The following PARD3 variants were observed in gnomAD, a reference collection of about 807,000 sequenced individuals.
PARD3 encodes par-3 family cell polarity regulator, also known as partitioning defective 3 homolog.
PARD3 carries 75 observed loss-of-function variants against 155.4 expected under a neutral mutation model. That is an observed-to-expected ratio of 0.48 (90% confidence interval 0.40 to 0.58). The LOEUF (loss-of-function observed/expected upper bound fraction) is 0.58, where lower values mean the gene tolerates loss of function less well. PARD3 is among the 20% of genes least tolerant of loss of function. PARD3 has a pLI of 0.00. For synonymous variants in PARD3, 576 were observed against 610.5 expected, an observed-to-expected ratio of 0.94 and a Z score of 0.83; for missense variants, 1,642 against 1,721.7, an observed-to-expected ratio of 0.95 and a Z score of 0.82.
chr10:34,495,266 T>C (rs1410065376), intron 3 of PARD3, among the ~76,000 whole-genome samples: 8 of 151,938 alleles, frequency 5.3e-5, no homozygotes, highest in East Asian at 3.9e-4. Context: ...CTGCCCATCA[T>C]TGCTTCTGAC....
chr10:34,741,742 T>A (rs2095022785), intron 1 of PARD3, among the ~76,000 whole-genome samples: 1 of 152,182 alleles, frequency 6.6e-6, no homozygotes, highest in South Asian at 2.1e-4. Context: ...TCCCTCATTG[T>A]GTATGGATTC....
intron 2 of PARD3, among the ~76,000 whole-genome samples, chr10:34,678,337 G>A (rs2133309521): frequency 6.6e-6 from 1 of 152,248 alleles, no homozygotes; most frequent in Middle Eastern, 3.4e-3. Flanking sequence ...GCCATTCAAA[G>A]TGCTGGGATT....
At position 34,452,745 on chromosome 10, in the gene PARD3, G is replaced by A. The variant is rs529812323; in HGVS notation, c.583-2297C>T. Among the ~76,000 whole-genome samples the A allele has an allele frequency of 1.1e-4, 17 of 152,250 alleles. No individual in the cohort carries two copies. The East Asian group carries it at 2.9e-3, about 26-fold the overall frequency. On this transcript the variant is annotated intron_variant, in intron 4 of 24. Transcript: ENST00000374788. ...ACTTTTAAGCACAAGTCACGAAAACGAAACTGTTTCCTGAATTCATGATCT... is the reference window on the plus strand; with the variant it reads ...ACTTTTAAGCACAAGTCACGAAAACAAAACTGTTTCCTGAATTCATGATCT...
chr10:34,291,841 A>T (rs913787574), intron 20 of PARD3, among the ~76,000 whole-genome samples: 3 of 152,224 alleles, frequency 2.0e-5, no homozygotes, highest in Admixed American at 2.0e-4. Flanking sequence ...GAAGCCAGGG[A>T]TTCGAGACCA....
At chr10:34,521,786 G>A (rs959015758) in intron 2 of PARD3, among the ~76,000 whole-genome samples, 2 of 152,140 alleles carry the variant, frequency 1.3e-5, no homozygotes, top group South Asian at 4.1e-4. Flanking sequence ...AAAACCCTTG[G>A]ATCTAGGGAA....
intron 2 of PARD3, among the ~76,000 whole-genome samples, chr10:34,665,890 C>CAGAACAGAAT (rs2093452427): frequency 6.7e-6 from 1 of 148,662 alleles, no homozygotes; most frequent in South Asian, 2.1e-4. Context: ...CAGAACAGAA[C>CAGAACAGAAT]AGAACAGAAC....
At chr10:34,150,044 A>G (rs887757493) in intron 22 of PARD3, among the ~76,000 whole-genome samples, 4 of 152,244 alleles carry the variant, frequency 2.6e-5, no homozygotes, top group Non-Finnish European at 5.9e-5. Context: ...AGAGGGTCAC[A>G]ATGACCAATT....
chr10:34,251,733 C>CTT (rs1198193915), intron 22 of PARD3, among the ~76,000 whole-genome samples: 1 of 152,170 alleles, frequency 6.6e-6, no homozygotes, highest in African/African-American at 2.4e-5. Flanking sequence ...GCAAAAGGGA[C>CTT]TTTAACACTT....
In PARD3 at chr10:34,359,278, T is replaced by G. The variant is rs758849173; in HGVS notation, c.1936A>C (p.Asn646His). 1.2e-5 allele frequency: 20 copies of G among 1,614,016 alleles called. 2 individuals carry two copies. The South Asian group carries it at 2.2e-4, about 18-fold the overall frequency. Residue 646 changes from asparagine (N) to histidine (H), a missense_variant, in exon 14 of 25, where the codon AAT becomes CAT. Physicochemically the swap from Asn to His is moderately conservative, Grantham distance 68. This residue lies in a region of PARD3 where 1,529 missense variants were observed against 1,587.3 expected (regional missense o/e 0.96). Coordinates refer to ENST00000374788, the MANE Select transcript of PARD3 (RefSeq NM_001184785.2). ...LRVNDQLIAV[N>H]GESLLGKTNQ... The stretch of plus-strand genomic sequence containing the variant: ...GTCTTGCCCAACAGGGATTCTCCAT[T>G]TACTGCTATCAGTTGATCATTCACC...
intron 20 of PARD3, among the ~76,000 whole-genome samples, chr10:34,289,378 C>T (rs565739873): frequency 2.9e-4 from 44 of 152,004 alleles, no homozygotes; most frequent in African/African-American, 8.2e-4. Flanking sequence ...TCAGTAGAGG[C>T]GGGGTTTCGC....
intron 5 of PARD3, among the ~76,000 whole-genome samples, chr10:34,424,184 C>T (rs765490040): frequency 6.6e-6 from 1 of 152,134 alleles, no homozygotes; most frequent in Non-Finnish European, 1.5e-5. Context: ...TCTTTTCTTA[C>T]ATACAGCAAT....
intron 2 of PARD3, among the ~76,000 whole-genome samples, chr10:34,610,157 G>A (rs1327740283): frequency 6.6e-6 from 1 of 151,994 alleles, no homozygotes; most frequent in Non-Finnish European, 1.5e-5. Context: ...TATTGGCAAC[G>A]ACTGGAAGTA....
intron 7 of PARD3, among the ~76,000 whole-genome samples, chr10:34,392,688 T>C (rs1444231009): frequency 6.6e-6 from 1 of 152,190 alleles, no homozygotes; most frequent in African/African-American, 2.4e-5. Flanking sequence ...TGGGCTTATA[T>C]GGTTTTTTTC....
In PARD3 at chr10:34,460,811, C is replaced by T. The variant is rs528103999; in HGVS notation, c.582+9274G>A. 9.2e-5 allele frequency among the ~76,000 whole-genome samples: 14 copies of T among 151,680 alleles called. No individual in the cohort carries two copies. In the East Asian group the frequency reaches 1.4e-3, roughly 15 times the overall value. On this transcript the variant is annotated intron_variant, in intron 4 of 24. Coordinates refer to ENST00000374788, the MANE Select transcript of PARD3 (RefSeq NM_001184785.2). ...TCACACCACTGCACTCCGGCCTGGG[C>T]GACACAGCCAGACTCGTCTCAAAAA...
intron 2 of PARD3, among the ~76,000 whole-genome samples, chr10:34,525,028 A>G (rs1347171219): frequency 6.6e-6 from 1 of 152,230 alleles, no homozygotes; most frequent in Non-Finnish European, 1.5e-5. Context: ...ACAATACTAA[A>G]TCCTTAATCA....
chr10:34,209,154 TC>T (rs1457437333), intron 22 of PARD3, among the ~76,000 whole-genome samples: 5 of 152,200 alleles, frequency 3.3e-5, no homozygotes, highest in African/African-American at 9.6e-5. Flanking sequence ...TGACCTAGAA[TC>T]CCTTCTTCCT....
At chr10:34,401,161 C>G (rs1300929381) in intron 6 of PARD3, among the ~76,000 whole-genome samples, 1 of 152,188 alleles carries the variant, frequency 6.6e-6, no homozygotes. Context: ...TCCAGAATGA[C>G]TGCCCTCCCT....
chr10:34,808,316 A>C (rs1240527177), intron 1 of PARD3, among the ~76,000 whole-genome samples: 1 of 151,838 alleles, frequency 6.6e-6, no homozygotes, highest in African/African-American at 2.4e-5. Flanking sequence ...TCTCAAAAAA[A>C]ACAAAAGAAA....
At chr10:34,546,516 CA>C (rs11299027) in intron 2 of PARD3, among the ~76,000 whole-genome samples, 70,429 of 145,196 alleles carry the variant, frequency 0.49, 17,268 homozygotes, top group African/African-American at 0.64. Flanking sequence ...GACTCTGTCT[CA>C]AAAAAAAAAA....
Sources: allele counts gnomAD v4.1 joint callset (sites outside exome capture counted in the v4.1 genomes callset), GRCh38; gene constraint gnomAD v4.1.1; regional missense constraint gnomAD v4.1.1; transcripts MANE v1.5; gene names NCBI Gene and HGNC (gene_info 2026-07-23, HGNC 2026-07-21).